The following RGS22 variants were observed in gnomAD, a reference collection of about 807,000 sequenced individuals.
RGS22 encodes regulator of G protein signaling 22, also known as regulator of G-protein signaling 22.
Under a neutral mutation model 172.9 loss-of-function variants are expected in RGS22, and 148 were observed. The ratio of observed to expected loss-of-function variants is 0.86; its 90% confidence interval spans 0.75 to 0.98. RGS22 has a LOEUF of 0.98. RGS22 is among the 50% of genes least tolerant of loss of function. The pLI is 0.00. For synonymous variants in RGS22, 458 were observed against 480.2 expected (o/e 0.95, Z 0.60); for missense variants, 1,347 against 1,440.8 (o/e 0.93, Z 1.05).
intron 23 of RGS22, among the ~76,000 whole-genome samples, chr8:99,971,999 A>G (rs1811409879): frequency 6.6e-6 from 1 of 152,216 alleles, no homozygotes; most frequent in African/African-American, 2.4e-5. Flanking sequence ...ACTTCAAACT[A>G]TACTACATGG....
At chr8:99,973,881 AAC>A (rs1811641185) in intron 23 of RGS22, among the ~76,000 whole-genome samples, 1 of 151,646 alleles carries the variant, frequency 6.6e-6, no homozygotes, top group African/African-American at 2.4e-5. Context: ...AAAAAAAAAA[AAC>A]AAAAAAAACC....
At chr8:100,064,262 G>A (rs1810381185) in intron 7 of RGS22, among the ~76,000 whole-genome samples, 1 of 152,070 alleles carries the variant, frequency 6.6e-6, no homozygotes, top group Non-Finnish European at 1.5e-5. Context: ...GAGGTCAGGA[G>A]TTCCAGACCA....
At chr8:100,018,429 GACACAC>G (rs35311553) in intron 14 of RGS22, among the ~76,000 whole-genome samples, 2 of 150,888 alleles carry the variant, frequency 1.3e-5, no homozygotes, top group African/African-American at 4.9e-5. Flanking sequence ...AATAAATGAA[GACACAC>G]ACACACACAC....
chr8:100,053,659 G>A lies in RGS22; in HGVS notation c.1515-683C>T, dbSNP rs1308784049. Among the ~76,000 whole-genome samples, 9 of 150,334 alleles carry A rather than the reference G, an allele frequency of 6.0e-5. No homozygotes were observed. The South Asian group carries it at 6.3e-4, about 11-fold the overall frequency. ...ACATACAAACTTTTTTTTTTGACAC[G>A]GAGTCTTGCTCTGTCACCCAGGCTG... On this transcript the variant is annotated intron_variant, in intron 9 of 27. Coordinates refer to ENST00000360863, the MANE Select transcript of RGS22 (RefSeq NM_015668.5).
intron 3 of RGS22, chr8:100,093,035 T>C (rs1294574968): frequency 6.5e-6 from 1 of 153,966 alleles, no homozygotes; most frequent in African/African-American, 2.4e-5. Context: ...CTGGGCATCA[T>C]GGCACATGTC....
intron 9 of RGS22, among the ~76,000 whole-genome samples, chr8:100,054,783 T>G (rs1321266287): frequency 6.6e-6 from 1 of 152,046 alleles, no homozygotes; most frequent in East Asian, 1.9e-4. Flanking sequence ...TTGGAAATAT[T>G]CAAAATTACT....
chr8:100,059,232 A>G (rs911904691), intron 9 of RGS22, among the ~76,000 whole-genome samples: 1 of 152,152 alleles, frequency 6.6e-6, no homozygotes, highest in Admixed American at 6.5e-5. Flanking sequence ...AAGGAAGGAA[A>G]GAAAGAACAC....
chr8:100,075,153 T>A (rs1455149932), intron 4 of RGS22, among the ~76,000 whole-genome samples: 1 of 152,166 alleles, frequency 6.6e-6, no homozygotes, highest in Non-Finnish European at 1.5e-5. Flanking sequence ...TGATATGGTA[T>A]GGATATTTGC....
chr8:100,038,682 C>T (rs562673788), intron 14 of RGS22: 2 of 321,160 alleles, frequency 6.2e-6, no homozygotes, highest in South Asian at 1.9e-4. Context: ...GAGAGATGTT[C>T]TTTATCAGAA....
intron 3 of RGS22, among the ~76,000 whole-genome samples, chr8:100,089,167 G>GAT (rs1445439355): frequency 8.6e-5 from 13 of 150,716 alleles, no homozygotes; most frequent in African/African-American, 2.7e-4. Flanking sequence ...TTCCACCATA[G>GAT]ATATATATAC....
intron 14 of RGS22, among the ~76,000 whole-genome samples, chr8:100,019,388 G>A (rs1281535256): frequency 6.6e-6 from 1 of 152,202 alleles, no homozygotes. Context: ...ATGATCATGT[G>A]TATGTATCTT....
rs1821417303 is a variant in RGS22 at position 100,051,658 on chromosome 8, AATATATATTTATATATGTTTATACAT to A, written c.1689+1118_1689+1143del. Among the ~76,000 whole-genome samples the A allele has an allele frequency of 5.7e-4, 6 of 10,544 alleles. 1 individual carries two copies. The highest frequency in any genetic ancestry group is 3.2e-3 in the African/African-American group (6 of 1,888). 6.9% of individuals were successfully genotyped at this position (10,544 alleles called of 152,430 possible). A position where few individuals can be genotyped will look rare whatever the true frequency, so the allele number is the denominator to read the frequency against. ...ATTTATATATGTTTATACATATATA[AATATATATTTATATATGTTTATACAT>A]ATATATATTTATATATACGTATATA... On this transcript the variant is annotated intron_variant, in intron 10 of 27. Transcript: ENST00000360863.
Position 100,002,308 on chromosome 8 carries a change from T to A in RGS22, c.2684A>T (p.Asp895Val), listed in dbSNP as rs1815178728. The change falls in exon 18 of 28, where the codon GAT becomes GTT. Residue 895 changes from aspartate (D) to valine (V), a missense_variant. By Grantham distance (152) the Asp-to-Val change is radical. Transcript: ENST00000360863. The part of the protein sequence containing the change: ...IEQFRRITYR[D>V]RNQRKAKSIY... The stretch of plus-strand genomic sequence containing the variant: ...AGATTTTGCCTTCCTTTGATTTCGA[T>A]CTCTGTAAGTTATTCTCCGGAACTG... 6.2e-7 allele frequency: 1 copy of A among 1,611,816 alleles called. No individual in the cohort carries two copies. The highest frequency in any genetic ancestry group is 1.7e-5 in the Admixed American group (1 of 59,452).
chr8:100,052,825 T>C lies in RGS22; in HGVS notation c.1666A>G (p.Ile556Val), dbSNP rs1454796307. Residue 556 changes from isoleucine (I) to valine (V), a missense_variant, in exon 10 of 28, where the codon ATT becomes GTT. By Grantham distance (29) the Ile-to-Val change is conservative. Coordinates refer to ENST00000360863, the MANE Select transcript of RGS22 (RefSeq NM_015668.5). ...TLLPLRPKSC[I>V]PQIPEIQKEE... ...ACCTGGATCTCAGGTATCTGTGGAA[T>C]GCAAGATTTGGGTCTTAATGGCAAG... The C allele has an allele frequency of 1.8e-5, 29 of 1,613,964 alleles. No homozygotes were observed. The highest frequency in any genetic ancestry group is 2.3e-5 in the Non-Finnish European group (27 of 1,179,984).
intron 10 of RGS22, among the ~76,000 whole-genome samples, chr8:100,051,579 GTTTATACATA>G (rs1821360928): frequency 1.5e-5 from 1 of 65,298 alleles, no homozygotes; most frequent in African/African-American, 7.7e-5. Context: ...ATTTATATAT[GTTTATACATA>G]TATAAATATA....
chr8:100,083,842 TTTTTTTG>T (rs1811956922), intron 3 of RGS22, among the ~76,000 whole-genome samples: 1 of 149,954 alleles, frequency 6.7e-6, no homozygotes, highest in African/African-American at 2.5e-5. Flanking sequence ...TTTTTTTTTT[TTTTTTTG>T]TTTTTTGTTT....
In RGS22 at chr8:99,982,049, A is replaced by C. The variant is rs755745996; in HGVS notation, c.3248T>G (p.Phe1083Cys). 6.2e-7 allele frequency: 1 copy of C among 1,613,890 alleles called. No individual in the cohort carries two copies. The highest frequency in any genetic ancestry group is 2.2e-5 in the East Asian group (1 of 44,866). Residue 1083 changes from phenylalanine to cysteine, a missense_variant, in exon 22 of 28, where the codon TTT (phenylalanine) becomes TGT (cysteine). Phe to Cys is a radical substitution (Grantham distance 205). Coordinates refer to ENST00000360863, the MANE Select transcript of RGS22 (RefSeq NM_015668.5). Reference protein sequence around the residue: ...QKKITTIINCFINSSIPPALQ... With the variant: ...QKKITTIINCCINSSIPPALQ... Reference sequence around the variant, plus strand: ...AGCTGGTGGAATACTGGAATTAATAAAGCAGTTGATAATAGTTGTAATCTT... The same window carrying C: ...AGCTGGTGGAATACTGGAATTAATACAGCAGTTGATAATAGTTGTAATCTT...
At position 99,992,313 on chromosome 8, in the gene RGS22, C is replaced by T. The variant is rs559354452; in HGVS notation, c.3018+4149G>A. 2.0e-5 allele frequency among the ~76,000 whole-genome samples: 3 copies of T among 152,260 alleles called. No individual in the cohort carries two copies. The East Asian group carries it at 5.8e-4, about 29-fold the overall frequency. ...GGCTAAATGCCGCAATTAAAAGACA[C>T]AAACTGGCAAATTGGATAAAGAGTC... On this transcript the variant is annotated intron_variant, in intron 20 of 27. Transcript: ENST00000360863.
chr8:100,022,010 A>AG (rs1817645422), intron 14 of RGS22, among the ~76,000 whole-genome samples: 1 of 152,168 alleles, frequency 6.6e-6, no homozygotes, highest in East Asian at 1.9e-4. Flanking sequence ...CTGCAAAAGG[A>AG]GGAAAAAATG....
Sources: allele counts gnomAD v4.1 joint callset (sites outside exome capture counted in the v4.1 genomes callset), GRCh38; gene constraint gnomAD v4.1.1; transcripts MANE v1.5; gene names NCBI Gene and HGNC (gene_info 2026-07-23, HGNC 2026-07-21).